RAB5B: variants seen among roughly 807,000 people sequenced by gnomAD.
RAB5B encodes the protein RAB5B, member RAS oncogene family, also known as ras-related protein Rab-5B.
RAB5B carries 11 observed loss-of-function variants against 28.6 expected under a neutral mutation model. The observed-to-expected ratio is 0.38, with a 90% CI of 0.24 to 0.64. The LOEUF (loss-of-function observed/expected upper bound fraction) is 0.64, where lower values mean the gene tolerates loss of function less well. RAB5B is among the 30% of genes least tolerant of loss of function. RAB5B has a pLI of 0.53. For synonymous variants in RAB5B, 93 were observed against 97.9 expected, an observed-to-expected ratio of 0.95 and a Z score of 0.29; for missense variants, 169 against 265.6, an observed-to-expected ratio of 0.64 and a Z score of 2.53.
chr12:55,977,863 T>G (rs1180478802), intron 1 of RAB5B, among the ~76,000 whole-genome samples: 1 of 152,234 alleles, frequency 6.6e-6, no homozygotes, highest in East Asian at 1.9e-4. Context: ...GGGTACCTTT[T>G]CAGAGTGTCT....
chr12:55,982,689 A>G (rs1266285711), intron 1 of RAB5B, among the ~76,000 whole-genome samples: 1 of 152,234 alleles, frequency 6.6e-6, no homozygotes, highest in East Asian at 1.9e-4. Flanking sequence ...CTTAGTAGCA[A>G]GAAAGCTTGC....
chr12:55,974,843 ACT>A (rs901469336), intron 1 of RAB5B, among the ~76,000 whole-genome samples: 3 of 151,596 alleles, frequency 2.0e-5, no homozygotes, highest in Admixed American at 2.0e-4. Context: ...GGGAGTACAC[ACT>A]CTTTTGTTCC....
At chr12:55,987,333 G>A (rs1463503324) in intron 2 of RAB5B, among the ~76,000 whole-genome samples, 2 of 151,778 alleles carry the variant, frequency 1.3e-5, no homozygotes, top group African/African-American at 4.8e-5. Context: ...TCTAATTTTT[G>A]TATTTTTAGT....
At position 55,992,266 on chromosome 12, in the gene RAB5B, C is replaced by T; in HGVS notation, c.*54C>T. On this transcript the variant is annotated 3_prime_UTR_variant, in exon 6 of 6. Coordinates refer to ENST00000360299, the MANE Select transcript of RAB5B (RefSeq NM_002868.4). Reference sequence around the variant, plus strand: ...AGCTAGCACAAGAGCTAAGAAATAACCTCCATCCCTACCCCTCAGCACACA... The same window carrying T: ...AGCTAGCACAAGAGCTAAGAAATAATCTCCATCCCTACCCCTCAGCACACA... 1 of 1,425,928 alleles carries T rather than the reference C, an allele frequency of 7.0e-7. No homozygotes were observed. Among genetic ancestry groups the T allele is most frequent in the Non-Finnish European group, 9.9e-7 (1 of 1,015,178 alleles). 88.3% of individuals were successfully genotyped at this position (1,425,928 alleles called of 1,614,324 possible).
At position 55,987,033 on chromosome 12, in the gene RAB5B, C is replaced by T; in HGVS notation, c.73C>T (p.Leu25=). 6.2e-7 allele frequency: 1 copy of T among 1,613,944 alleles called. No individual in the cohort carries two copies. The highest frequency in any genetic ancestry group is 8.5e-7 in the Non-Finnish European group (1 of 1,179,958). ...ASKICQFKLV[L]LGESAVGKSS... is the part of the protein sequence containing the mutation. Reference sequence around the variant, plus strand: ...CAAAATTTGCCAGTTCAAATTGGTCCTGCTGGGAGAATCTGCAGTGGGAAA... The same window carrying T: ...CAAAATTTGCCAGTTCAAATTGGTCTTGCTGGGAGAATCTGCAGTGGGAAA... Residue 25 remains leucine (L), a synonymous_variant, in exon 2 of 6, where the codon CTG becomes TTG. Transcript: ENST00000360299.
chr12:55,978,385 C>T (rs1288258569), intron 1 of RAB5B, among the ~76,000 whole-genome samples: 1 of 151,684 alleles, frequency 6.6e-6, no homozygotes, highest in African/African-American at 2.4e-5. Flanking sequence ...GCCTGTAGTC[C>T]CCCAGCTTCT....
In RAB5B at chr12:55,991,007, A is replaced by C. The variant is rs1890098858; in HGVS notation, c.438+203A>C. ...AGGAGTCAGGAGAAAACTCCAGAGCAGAGGGTTAGGGAGGTACCAGCTGTG... is the reference window on the plus strand; with the variant it reads ...AGGAGTCAGGAGAAAACTCCAGAGCCGAGGGTTAGGGAGGTACCAGCTGTG... On this transcript the variant is annotated intron_variant, in intron 4 of 5. Transcript: ENST00000360299. 5 of 663,978 alleles carry C rather than the reference A, an allele frequency of 7.5e-6. No homozygotes were observed. The South Asian group carries it at 1.0e-4, about 13-fold the overall frequency. The allele number at this position is 663,978 out of a possible 1,614,324, so 41.1% of individuals were successfully genotyped here.
intron 1 of RAB5B, chr12:55,980,291 T>C: frequency 1.4e-6 from 1 of 705,516 alleles, no homozygotes; most frequent in East Asian, 2.7e-5. Flanking sequence ...TTTTCTCCTT[T>C]TTCTCCTCAT....
At chr12:55,991,642 T>C (rs1890125102) in intron 5 of RAB5B, 189 bp downstream of exon 5, 1 of 544,226 alleles carries the variant, frequency 1.8e-6, no homozygotes, top group African/African-American at 1.9e-5. Flanking sequence ...ATGTGTAAGT[T>C]TGCCGGCCAG....
chr12:55,986,765 G>A (rs1889961977), intron 1 of RAB5B, 104 bp from the exon 2 acceptor site: 1 of 604,124 alleles, frequency 1.7e-6, no homozygotes, highest in African/African-American at 1.8e-5. Flanking sequence ...TCAGAGCTAA[G>A]TCCTCATAGA....
chr12:55,974,819 G>C (rs1889601273), intron 1 of RAB5B, among the ~76,000 whole-genome samples: 1 of 152,094 alleles, frequency 6.6e-6, no homozygotes, highest in South Asian at 2.1e-4. Flanking sequence ...GGTGGGCTGG[G>C]GGCTCTGGGT....
At chr12:55,977,220 G>A (rs1555195410) in intron 1 of RAB5B, among the ~76,000 whole-genome samples, 2 of 151,896 alleles carry the variant, frequency 1.3e-5, no homozygotes, top group Non-Finnish European at 2.9e-5. Context: ...GGTGATCCAC[G>A]TGCCTCAGCC....
Position 55,996,003 on chromosome 12 carries a change from A to ATATATATTT in RAB5B, c.*3792_*3793insATATATTTT. ...TATATACATATATATATATATATATATTTTTTTTTTAACAACTGGTAGGAT... is the reference window on the plus strand; with the variant it reads ...TATATACATATATATATATATATATATATATATTTTTTTTTTTTTAACAACTGGTAGGAT... On this transcript the variant is annotated 3_prime_UTR_variant, in exon 6 of 6. Coordinates refer to ENST00000360299, the MANE Select transcript of RAB5B (RefSeq NM_002868.4). 1 of 97,410 alleles carries ATATATATTT rather than the reference A, an allele frequency of 1.0e-5. No individual in the cohort carries two copies. The highest frequency in any genetic ancestry group is 1.1e-4 in the Admixed American group (1 of 9,312). 6.0% of individuals were successfully genotyped at this position (97,410 alleles called of 1,614,324 possible). A position where few individuals can be genotyped will look rare whatever the true frequency, so the allele number is the denominator to read the frequency against.
chr12:55,977,474 A>G (rs1889678887), intron 1 of RAB5B, among the ~76,000 whole-genome samples: 1 of 152,064 alleles, frequency 6.6e-6, no homozygotes, highest in Non-Finnish European at 1.5e-5. Flanking sequence ...TTTTTCCTGG[A>G]CAATCCCTAC....
intron 1 of RAB5B, among the ~76,000 whole-genome samples, chr12:55,985,124 A>T (rs1341337869): frequency 6.6e-6 from 1 of 152,230 alleles, no homozygotes; most frequent in Non-Finnish European, 1.5e-5. Context: ...AAATGAATGC[A>T]CACATATATT....
At position 55,996,513 on chromosome 12, in the gene RAB5B, T is replaced by C. The variant is rs1890312525; in HGVS notation, c.*4301T>C. ...TTTTTTAAGAGATGGGGTCTTGCTC[T>C]GTTGTCCAGGCTGGAGTGCAGTGCC... On this transcript the variant is annotated 3_prime_UTR_variant, in exon 6 of 6. Coordinates refer to ENST00000360299, the MANE Select transcript of RAB5B (RefSeq NM_002868.4). The C allele has an allele frequency of 6.6e-6, 1 of 152,298 alleles. No individual in the cohort carries two copies. Among genetic ancestry groups the C allele is most frequent in the African/African-American group, 2.4e-5 (1 of 41,458 alleles). The allele number at this position is 152,298 out of a possible 1,614,324, so 9.4% of individuals were successfully genotyped here.
At chr12:55,989,760 C>T (rs1890053634) in intron 2 of RAB5B, among the ~76,000 whole-genome samples, 187 bp from the exon 3 acceptor site, 1 of 152,160 alleles carries the variant, frequency 6.6e-6, no homozygotes, top group Non-Finnish European at 1.5e-5. Flanking sequence ...AAGGACTTAG[C>T]CAAGGGCAGT....
chr12:55,978,074 G>A (rs1298218407), intron 1 of RAB5B, among the ~76,000 whole-genome samples: 2 of 152,214 alleles, frequency 1.3e-5, no homozygotes, highest in Non-Finnish European at 2.9e-5. Flanking sequence ...CATAGTAACG[G>A]GTGACAGGAA....
At position 55,990,270 on chromosome 12, in the gene RAB5B, T is replaced by C. The variant is rs529261213; in HGVS notation, c.315+172T>C. The stretch of plus-strand genomic sequence containing the variant: ...TAAAATTACAAAAATTAGTTGGGCG[T>C]GGTGGTGCGCGCCTGTAGTCCCAGC... On this transcript the variant is annotated intron_variant, in intron 3 of 5. Transcript: ENST00000360299. The C allele has an allele frequency of 7.9e-4, 537 of 682,948 alleles. 2 individuals are homozygous for C. The South Asian group carries it at 9.6e-3, about 12-fold the overall frequency. The allele number at this position is 682,948 out of a possible 1,614,324, so 42.3% of individuals were successfully genotyped here. A position where few individuals can be genotyped will look rare whatever the true frequency, so the allele number is the denominator to read the frequency against.
Sources: allele counts gnomAD v4.1 joint callset (sites outside exome capture counted in the v4.1 genomes callset), GRCh38; gene constraint gnomAD v4.1.1; transcripts MANE v1.5; gene names NCBI Gene and HGNC (gene_info 2026-07-23, HGNC 2026-07-21).